The following MAPKAP1 variants were observed in gnomAD, a reference collection of about 807,000 sequenced individuals.
MAPKAP1 encodes target of rapamycin complex 2 subunit MAPKAP1.
A neutral mutation model predicts 65.7 loss-of-function variants in MAPKAP1; 20 were observed. The ratio of observed to expected loss-of-function variants is 0.30; its 90% CI spans 0.21 to 0.44. MAPKAP1 has a LOEUF of 0.44. MAPKAP1 is among the 20% of genes least tolerant of loss of function. MAPKAP1 has a pLI of 1.00. For synonymous variants in MAPKAP1, 222 were observed against 244.3 expected, an observed-to-expected ratio of 0.91 and a Z score of 0.85; for missense variants, 423 against 648.0, an observed-to-expected ratio of 0.65 and a Z score of 3.77.
intron 5 of MAPKAP1, among the ~76,000 whole-genome samples, chr9:125,571,383 G>C (rs1831225700): frequency 6.6e-6 from 1 of 152,154 alleles, no homozygotes; most frequent in African/African-American, 2.4e-5. Flanking sequence ...GAGAACTCTA[G>C]CAGGTGTTCT....
chr9:125,585,396 T>C lies in MAPKAP1; in HGVS notation c.671+159A>G, dbSNP rs751319407. 1.8e-4 allele frequency among the ~76,000 whole-genome samples: 27 copies of C among 152,354 alleles called. 1 individual carries two copies. The highest frequency in any genetic ancestry group is 8.3e-4 in the South Asian group (4 of 4,824). Reference sequence around the variant, plus strand: ...AAGTCTATTTTGCAAGCTGATTCTCTGAGATGCACAGGCGCGAGACCTGGT... The same window carrying C: ...AAGTCTATTTTGCAAGCTGATTCTCCGAGATGCACAGGCGCGAGACCTGGT... On this transcript the variant is annotated intron_variant, in intron 5 of 11. Coordinates refer to ENST00000265960, the MANE Select transcript of MAPKAP1 (RefSeq NM_001006617.3).
chr9:125,506,338 T>C lies in MAPKAP1; in HGVS notation c.1038A>G (p.Ala346=), dbSNP rs149813826. 3 of 1,613,912 alleles carry C rather than the reference T, an allele frequency of 1.9e-6. No homozygotes were observed. Among genetic ancestry groups the C allele is most frequent in the Non-Finnish European group, 2.5e-6 (3 of 1,179,996 alleles). ...TCTCGCGGACCAGGCAGAACTCCCA[T>C]GCGCTCTGGCTCTCCAAAGTGCTGT... is the stretch of plus-strand genomic sequence containing the variant. ...DLDSTLESQS[A]WEFCLVRENS... is the part of the protein sequence containing the mutation. The change falls in exon 8 of 12, where the codon GCA becomes GCG. Residue 346 remains alanine, a synonymous_variant. Transcript: ENST00000265960.
chr9:125,604,691 A>C (rs1033260048), intron 4 of MAPKAP1, among the ~76,000 whole-genome samples: 1 of 152,246 alleles, frequency 6.6e-6, no homozygotes, highest in Admixed American at 6.5e-5. Context: ...CAGATGTACC[A>C]AATTTATCTC....
At chr9:125,566,670 C>A (rs1420495447) in intron 5 of MAPKAP1, among the ~76,000 whole-genome samples, 1 of 152,230 alleles carries the variant, frequency 6.6e-6, no homozygotes, top group Non-Finnish European at 1.5e-5. Context: ...AAACTGAACT[C>A]CACTCACACT....
chr9:125,676,527 G>A (rs944806460), intron 1 of MAPKAP1, among the ~76,000 whole-genome samples: 1 of 121,272 alleles, frequency 8.2e-6, no homozygotes, highest in African/African-American at 2.8e-5. Context: ...GTCGCAAAAG[G>A]ACAAGTACCG....
At chr9:125,495,448 T>C (rs907652936) in intron 8 of MAPKAP1, among the ~76,000 whole-genome samples, 4 of 152,220 alleles carry the variant, frequency 2.6e-5, no homozygotes, top group Admixed American at 6.5e-5. Context: ...CTTACTGCTC[T>C]AATGTACCAG....
At chr9:125,645,344 G>A (rs539799939) in intron 4 of MAPKAP1, among the ~76,000 whole-genome samples, 15 of 152,300 alleles carry the variant, frequency 9.8e-5, no homozygotes, top group South Asian at 6.2e-4. Context: ...CCTGAGAAAC[G>A]AAGCTCAGTG....
chr9:125,611,510 T>A (rs551005119), intron 4 of MAPKAP1, among the ~76,000 whole-genome samples: 1 of 152,310 alleles, frequency 6.6e-6, no homozygotes, highest in African/African-American at 2.4e-5. Flanking sequence ...TCGGAGGCAA[T>A]GTCTGAAAAG....
At chr9:125,627,120 C>T (rs1422689157) in intron 4 of MAPKAP1, among the ~76,000 whole-genome samples, 3 of 152,144 alleles carry the variant, frequency 2.0e-5, no homozygotes, top group Non-Finnish European at 4.4e-5. Flanking sequence ...ATGAGTAGGA[C>T]TCATCCCACT....
chr9:125,546,204 C>T (rs1036453149), intron 6 of MAPKAP1, among the ~76,000 whole-genome samples: 5 of 152,150 alleles, frequency 3.3e-5, no homozygotes, highest in African/African-American at 4.8e-5. Context: ...CGTGAGTGTG[C>T]AGTATCTTAC....
intron 10 of MAPKAP1, among the ~76,000 whole-genome samples, chr9:125,465,735 G>C (rs1053083392): frequency 9.2e-5 from 14 of 152,310 alleles, no homozygotes; most frequent in African/African-American, 3.4e-4. Context: ...GGGAGAGACG[G>C]GTGGGCCTCC....
chr9:125,589,319 C>G (rs1315939646), intron 4 of MAPKAP1, among the ~76,000 whole-genome samples: 1 of 152,196 alleles, frequency 6.6e-6, no homozygotes, highest in Non-Finnish European at 1.5e-5. Flanking sequence ...TGTATGCTTT[C>G]TCCACGAAGT....
chr9:125,485,396 A>G (rs921931539), intron 8 of MAPKAP1, among the ~76,000 whole-genome samples: 5 of 152,240 alleles, frequency 3.3e-5, no homozygotes, highest in Non-Finnish European at 7.3e-5. Context: ...GATATGTGAC[A>G]CTGGAGACAG....
At chr9:125,693,896 TA>T in intron 1 of MAPKAP1, among the ~76,000 whole-genome samples, 1 of 149,140 alleles carries the variant, frequency 6.7e-6, no homozygotes. Flanking sequence ...TGGCCGGGCA[TA>T]GGGGCTCACA....
intron 7 of MAPKAP1, among the ~76,000 whole-genome samples, chr9:125,528,241 G>A (rs370850138): frequency 3.3e-5 from 5 of 152,228 alleles, no homozygotes; most frequent in African/African-American, 1.2e-4. Flanking sequence ...TCTGCCACAA[G>A]CCTAAGTGGC....
At chr9:125,653,884 C>T (rs774435751) in intron 4 of MAPKAP1, among the ~76,000 whole-genome samples, 1 of 152,172 alleles carries the variant, frequency 6.6e-6, no homozygotes, top group Non-Finnish European at 1.5e-5. Context: ...ACTTGCTAAT[C>T]AGTCCCTTTT....
intron 10 of MAPKAP1, among the ~76,000 whole-genome samples, chr9:125,446,766 T>C (rs1409417080): frequency 6.6e-6 from 1 of 152,326 alleles, no homozygotes; most frequent in Admixed American, 6.5e-5. Flanking sequence ...ACCACTTTGA[T>C]AAGACAGCTT....
chr9:125,658,594 T>TA (rs1834099457), intron 3 of MAPKAP1, among the ~76,000 whole-genome samples: 1 of 152,224 alleles, frequency 6.6e-6, no homozygotes, highest in Admixed American at 6.5e-5. Flanking sequence ...ATTAGGGCAC[T>TA]AATGAACAAG....
At chr9:125,630,270 C>T (rs1378327580) in intron 4 of MAPKAP1, among the ~76,000 whole-genome samples, 1 of 152,176 alleles carries the variant, frequency 6.6e-6, no homozygotes, top group African/African-American at 2.4e-5. Context: ...AGACAACAGG[C>T]GCGTGCCACC....
Sources: gnomAD v4.1 joint callset for allele counts (sites outside exome capture counted in the v4.1 genomes callset) on GRCh38, gnomAD v4.1.1 for gene constraint, MANE v1.5 for transcripts, NCBI Gene and HGNC (gene_info 2026-07-23, HGNC 2026-07-21) for gene names.